SFMBT1: variants seen among roughly 807,000 people sequenced by gnomAD.
The protein encoded by SFMBT1 is Scm like with four mbt domains 1, also known as scm-like with four MBT domains protein 1.
In SFMBT1, 32 loss-of-function variants were observed where a neutral mutation model predicts 108.7. The observed-to-expected ratio is 0.29, with a 90% confidence interval of 0.22 to 0.40. The LOEUF (loss-of-function observed/expected upper bound fraction) is 0.40, where lower values mean the gene tolerates loss of function less well. SFMBT1 is among the 10% of genes least tolerant of loss of function. SFMBT1 has a pLI of 1.00. For missense variants in SFMBT1, 816 were observed against 1,059.6 expected (o/e 0.77, Z 3.19); for synonymous variants, 348 against 369.5 (o/e 0.94, Z 0.67).
intron 1 of SFMBT1, among the ~76,000 whole-genome samples, chr3:52,983,354 A>G (rs1704788107): frequency 6.6e-6 from 1 of 152,242 alleles, no homozygotes; most frequent in South Asian, 2.1e-4. Context: ...TATAACATAT[A>G]AAATACGTGT....
intron 1 of SFMBT1, among the ~76,000 whole-genome samples, chr3:52,981,150 G>A (rs1049427517): frequency 1.4e-5 from 2 of 141,864 alleles, no homozygotes; most frequent in African/African-American, 2.6e-5. Flanking sequence ...CAACAAGAGC[G>A]AAATTCCATC....
intron 1 of SFMBT1, among the ~76,000 whole-genome samples, chr3:53,025,002 G>A (rs992437891): frequency 7.5e-4 from 104 of 137,904 alleles, no homozygotes; most frequent in African/African-American, 2.5e-3. Context: ...AGTTATTATA[G>A]GGGAAAACTA....
intron 1 of SFMBT1, among the ~76,000 whole-genome samples, chr3:53,005,942 T>C (rs1428197606): frequency 1.3e-5 from 2 of 152,076 alleles, no homozygotes; most frequent in Non-Finnish European, 2.9e-5. Flanking sequence ...AAGGGCACTC[T>C]GGGTGGGGCA....
At chr3:52,928,368 A>G in intron 8 of SFMBT1, 27 bp from the exon 9 acceptor site, 1 of 1,608,730 alleles carries the variant, frequency 6.2e-7, no homozygotes, top group African/African-American at 1.3e-5. Flanking sequence ...TAGATGAAAT[A>G]GACAAATGCA....
At chr3:53,045,472 G>C (rs995886123) in intron 1 of SFMBT1, among the ~76,000 whole-genome samples, 2 of 143,976 alleles carry the variant, frequency 1.4e-5, no homozygotes, top group African/African-American at 5.0e-5. Context: ...CGCCTCCCGC[G>C]GGCTGACGCG....
At chr3:52,991,662 C>A (rs946879829) in intron 1 of SFMBT1, among the ~76,000 whole-genome samples, 1 of 152,044 alleles carries the variant, frequency 6.6e-6, no homozygotes, top group African/African-American at 2.4e-5. Context: ...GAAAGTTAAT[C>A]CCTAATATGA....
chr3:52,969,181 G>A lies in SFMBT1; in HGVS notation c.-53C>T. On this transcript the variant is annotated 5_prime_UTR_variant, in exon 2 of 21. Transcript: ENST00000394752. ...CTCCCAAAACAAAGGAAAGGCCTAT[G>A]GTTCTGCTAGGATCTGAAGATTACT... The A allele has an allele frequency of 3.1e-6, 5 of 1,609,396 alleles. No individual in the cohort carries two copies. Among genetic ancestry groups the A allele is most frequent in the Non-Finnish European group, 4.2e-6 (5 of 1,178,700 alleles).
At chr3:53,029,485 A>T (rs1699609921) in intron 1 of SFMBT1, among the ~76,000 whole-genome samples, 2 of 152,242 alleles carry the variant, frequency 1.3e-5, no homozygotes, top group Non-Finnish European at 2.9e-5. Flanking sequence ...CAGCATTTTT[A>T]AAATTCCTTA....
At chr3:53,041,993 A>C (rs1575458099) in intron 1 of SFMBT1, among the ~76,000 whole-genome samples, 1 of 152,324 alleles carries the variant, frequency 6.6e-6, no homozygotes, top group East Asian at 1.9e-4. Flanking sequence ...CTTTTATTTT[A>C]TGTTATTCCA....
rs1473367111 is a variant in SFMBT1 at position 52,905,225 on chromosome 3, A to G, written c.2512T>C (p.Cys838Arg). The G allele has an allele frequency of 6.2e-7, 1 of 1,613,976 alleles. No individual in the cohort carries two copies. Among genetic ancestry groups the G allele is most frequent in the African/African-American group, 1.3e-5 (1 of 74,922 alleles). Reference protein sequence around the residue: ...LLLTLPTVQECMDLKLGPAIK... With the variant: ...LLLTLPTVQERMDLKLGPAIK... ...GCAGGGCCCAATTTTAAGTCCATGC[A>G]TTCTTGAACAGTGGGAAGGGTAAGG... The change falls in exon 21 of 21, where the codon TGC (cysteine) becomes CGC (arginine). Residue 838 changes from cysteine to arginine, a missense_variant. Physicochemically the swap from Cys to Arg is radical, Grantham distance 180. This residue lies in a region of SFMBT1 where 49 missense variants were observed against 91.8 expected (regional missense o/e 0.53). Coordinates refer to ENST00000394752, the MANE Select transcript of SFMBT1 (RefSeq NM_016329.4).
intron 1 of SFMBT1, among the ~76,000 whole-genome samples, chr3:53,031,395 T>A (rs1699681471): frequency 6.6e-6 from 1 of 152,158 alleles, no homozygotes; most frequent in African/African-American, 2.4e-5. Flanking sequence ...CTAATGGAAA[T>A]GCATTTGTCG....
chr3:53,031,186 G>C (rs1239287210), intron 1 of SFMBT1, among the ~76,000 whole-genome samples: 1 of 152,200 alleles, frequency 6.6e-6, no homozygotes, highest in Non-Finnish European at 1.5e-5. Context: ...TGGGAGGCAA[G>C]TGGCTCCACT....
chr3:52,959,093 A>G (rs1703876915), intron 2 of SFMBT1, among the ~76,000 whole-genome samples: 3 of 150,438 alleles, frequency 2.0e-5, no homozygotes, highest in African/African-American at 7.3e-5. Context: ...ACATGGACAC[A>G]TCGGGGGGAA....
intron 1 of SFMBT1, among the ~76,000 whole-genome samples, chr3:53,022,569 A>T (rs955210557): frequency 1.1e-4 from 17 of 152,142 alleles, no homozygotes; most frequent in African/African-American, 4.1e-4. Flanking sequence ...GTGGAATATT[A>T]TTCAGTCTTT....
At chr3:52,987,941 T>A (rs930910823) in intron 1 of SFMBT1, among the ~76,000 whole-genome samples, 3 of 152,322 alleles carry the variant, frequency 2.0e-5, no homozygotes, top group South Asian at 2.1e-4. Flanking sequence ...GAATTAAGAA[T>A]GGAATAACAC....
At chr3:52,953,997 C>T (rs971029825) in intron 3 of SFMBT1, among the ~76,000 whole-genome samples, 2 of 151,852 alleles carry the variant, frequency 1.3e-5, no homozygotes, top group Admixed American at 6.6e-5. Flanking sequence ...TGGTGGCAGG[C>T]GCCTGTAGTC....
chr3:52,996,228 T>G (rs1231158995), intron 1 of SFMBT1, among the ~76,000 whole-genome samples: 2 of 141,400 alleles, frequency 1.4e-5, no homozygotes, highest in African/African-American at 5.2e-5. Flanking sequence ...TTTTTTTTTT[T>G]TGAGACAGGG....
intron 1 of SFMBT1, among the ~76,000 whole-genome samples, chr3:53,040,968 A>AT (rs57640588): frequency 0.02 from 923 of 46,332 alleles, 127 homozygotes; most frequent in Non-Finnish European, 0.029. Flanking sequence ...AGACACCTGA[A>AT]TTTTTTTTTT....
intron 4 of SFMBT1, among the ~76,000 whole-genome samples, chr3:52,941,593 CAAAAAAA>C (rs145581859): frequency 9.8e-4 from 63 of 64,054 alleles, no homozygotes; most frequent in Middle Eastern, 0.022. Context: ...GACTCTGTTT[CAAAAAAA>C]AAAAAAAAAA....
Sources: gnomAD v4.1 joint callset for allele counts (sites outside exome capture counted in the v4.1 genomes callset) on GRCh38, gnomAD v4.1.1 for gene constraint, gnomAD v4.1.1 regional missense constraint, MANE v1.5 for transcripts, NCBI Gene and HGNC (gene_info 2026-07-23, HGNC 2026-07-21) for gene names.